The following ARRDC4 variants were observed in gnomAD, a reference collection of about 807,000 sequenced individuals.
ARRDC4 encodes arrestin domain containing 4, also known as arrestin domain-containing protein 4.
In ARRDC4, 40 loss-of-function variants were observed where a neutral mutation model predicts 44.6. The observed-to-expected ratio is 0.90, with a 90% CI of 0.70 to 1.17. The LOEUF is 1.17. Ranked by LOEUF, ARRDC4 falls within the 50% of genes most tolerant of loss-of-function variation. ARRDC4 has a pLI of 0.00. For missense variants in ARRDC4, 550 were observed against 559.1 expected (o/e 0.98, Z 0.16); for synonymous variants, 211 against 221.2 (o/e 0.95, Z 0.41).
Position 97,966,274 on chromosome 15 carries a change from T to A in ARRDC4, c.522+232T>A, listed in dbSNP as rs1489078019. On this transcript the variant is annotated intron_variant, in intron 3 of 7. Coordinates refer to ENST00000268042, the MANE Select transcript of ARRDC4 (RefSeq NM_183376.3). The surrounding 1 kb of genome is among the most constrained non-coding windows in gnomAD (Gnocchi z 4.7). ...AATACTATTGATTATGTCCCTGCTG[T>A]TCAGGGCTTCTTTTGCCAAAAAGTT... Among the ~76,000 whole-genome samples the A allele has an allele frequency of 1.3e-5, 2 of 152,202 alleles. No individual in the cohort carries two copies. The highest frequency in any genetic ancestry group is 3.8e-4 in the East Asian group (2 of 5,204).
At chr15:97,963,129 T>C (rs1026770738) in intron 1 of ARRDC4, among the ~76,000 whole-genome samples, 11 of 152,348 alleles carry the variant, frequency 7.2e-5, no homozygotes, top group African/African-American at 2.4e-4. Context: ...TCTCTGCCTC[T>C]GTAATGGTCT....
intron 5 of ARRDC4, 120 bp from the exon 6 acceptor site, chr15:97,969,763 G>T: frequency 1.2e-6 from 1 of 848,966 alleles, no homozygotes; most frequent in Non-Finnish European, 1.8e-6. Flanking sequence ...TTGTGATGGG[G>T]GTGGTGGCAG....
In ARRDC4 at chr15:97,967,155, G is replaced by C. The variant is rs540276609; in HGVS notation, c.523-859G>C. On this transcript the variant is annotated intron_variant, in intron 3 of 7. Coordinates refer to ENST00000268042, the MANE Select transcript of ARRDC4 (RefSeq NM_183376.3). This position sits in a 1 kb window ranked among gnomAD's most constrained non-coding sequence, Gnocchi z 5.0. ...TTTGAAAAATTGGTGATGCCAAGTA[G>C]CTTGTATTTTTAAAAACTACTTAGA... 6.6e-6 allele frequency among the ~76,000 whole-genome samples: 1 copy of C among 152,236 alleles called. No homozygotes were observed. Among genetic ancestry groups the C allele is most frequent in the South Asian group, 2.1e-4 (1 of 4,818 alleles).
At position 97,961,031 on chromosome 15, in the gene ARRDC4, T is replaced by G. The variant is rs1899304095; in HGVS notation, c.170T>G (p.Leu57Arg). The change falls in exon 1 of 8, where the codon CTG becomes CGG. Residue 57 changes from leucine (L) to arginine (R), a missense_variant. Physicochemically the swap from Leu to Arg is moderately radical, Grantham distance 102. Transcript: ENST00000268042. Reference sequence around the variant, plus strand: ...CCGGTGGCCCTGCGCGCGCTGCGCCTGGAGGCCCAGGGGCGCGCCACCGCC... The same window carrying G: ...CCGGTGGCCCTGCGCGCGCTGCGCCGGGAGGCCCAGGGGCGCGCCACCGCC... ...SEPVALRALR[L>R]EAQGRATAAW... 1.4e-6 allele frequency: 2 copies of G among 1,435,834 alleles called. No homozygotes were observed. Among genetic ancestry groups the G allele is most frequent in the African/African-American group, 1.5e-5 (1 of 67,514 alleles). 88.9% of individuals were successfully genotyped at this position (1,435,834 alleles called of 1,614,324 possible).
At chr15:97,962,378 A>G (rs1423339044) in intron 1 of ARRDC4, among the ~76,000 whole-genome samples, 2 of 152,186 alleles carry the variant, frequency 1.3e-5, no homozygotes, top group African/African-American at 4.8e-5. Context: ...TTCCAGGATC[A>G]ACCCAGGCCC....
At position 97,969,132 on chromosome 15, in the gene ARRDC4, T is replaced by C. The variant is rs1185780232; in HGVS notation, c.635T>C (p.Ile212Thr). ...ERKGYCNGEA[I>T]PIYAEIENCS... is the part of the protein sequence containing the mutation. Reference sequence around the variant, plus strand: ...TTTGTTTTCTTTTTAGGAGAAGCTATTCCAATCTATGCAGAAATAGAAAAT... The same window carrying C: ...TTTGTTTTCTTTTTAGGAGAAGCTACTCCAATCTATGCAGAAATAGAAAAT... Residue 212 changes from isoleucine to threonine, a missense_variant, in exon 5 of 8, where the codon ATT (isoleucine) becomes ACT (threonine). Ile to Thr is a moderately conservative substitution (Grantham distance 89). Coordinates refer to ENST00000268042, the MANE Select transcript of ARRDC4 (RefSeq NM_183376.3). 30 of 1,613,244 alleles carry C rather than the reference T, an allele frequency of 1.9e-5. No homozygotes were observed. The highest frequency in any genetic ancestry group is 2.5e-5 in the Non-Finnish European group (29 of 1,179,336).
chr15:97,969,322 A>G lies in ARRDC4; in HGVS notation c.825A>G (p.Pro275=), dbSNP rs753932839. 3.7e-6 allele frequency: 6 copies of G among 1,613,886 alleles called. No individual in the cohort carries two copies. The highest frequency in any genetic ancestry group is 5.1e-6 in the Non-Finnish European group (6 of 1,179,838). Residue 275 remains proline, a synonymous_variant, in exon 5 of 8, where the codon CCA becomes CCG. Transcript: ENST00000268042. ...GGAATGGGAAAACGCTAAAAATCCC[A>G]CCTGTTACTCCATCCATCCTGGATT... ...DTWNGKTLKI[P]PVTPSILDCC...
At chr15:97,969,573 A>G (rs1429532552) in intron 5 of ARRDC4, among the ~76,000 whole-genome samples, 194 bp downstream of exon 5, 1 of 152,196 alleles carries the variant, frequency 6.6e-6, no homozygotes, top group Non-Finnish European at 1.5e-5. Flanking sequence ...GAATGCCATA[A>G]AAGAATTGAG....
rs755190262 is a variant in ARRDC4 at position 97,969,250 on chromosome 15, C to T, written c.753C>T (p.Val251=). 13 of 1,613,920 alleles carry T rather than the reference C, an allele frequency of 8.1e-6. No individual in the cohort carries two copies. The highest frequency in any genetic ancestry group is 2.2e-5 in the South Asian group (2 of 91,076). ...AAACAAAGACCATTCGACACATGGT[C>T]GCCAATGTGCGAGGAAACCACATCG... ...SGKTKTIRHM[V]ANVRGNHIAS... The change falls in exon 5 of 8, where the codon GTC becomes GTT. Residue 251 remains valine, a synonymous_variant. Coordinates refer to ENST00000268042, the MANE Select transcript of ARRDC4 (RefSeq NM_183376.3).
chr15:97,965,459 C>G lies in ARRDC4; in HGVS notation c.308-141C>G, dbSNP rs893474116. ...CACACACCCCCCTTCAAACTTAATTCTCTACATTTGTTTAATGAACTTTTG... is the reference window on the plus strand; with the variant it reads ...CACACACCCCCCTTCAAACTTAATTGTCTACATTTGTTTAATGAACTTTTG... On this transcript the variant is annotated intron_variant, in intron 1 of 7. Transcript: ENST00000268042. The surrounding 1 kb of genome is among the most constrained non-coding windows in gnomAD (Gnocchi z 5.1). 1 of 688,020 alleles carries G rather than the reference C, an allele frequency of 1.5e-6. No individual in the cohort carries two copies. The highest frequency in any genetic ancestry group is 1.8e-5 in the African/African-American group (1 of 55,752). 42.6% of individuals were successfully genotyped at this position (688,020 alleles called of 1,614,324 possible). A position where few individuals can be genotyped will look rare whatever the true frequency, so the allele number is the denominator to read the frequency against.
chr15:97,962,329 G>A (rs980872064), intron 1 of ARRDC4, among the ~76,000 whole-genome samples: 3 of 152,176 alleles, frequency 2.0e-5, no homozygotes, highest in African/African-American at 7.2e-5. Context: ...GTGTGTTAGT[G>A]ATAGTTCTTA....
chr15:97,969,774 C>A, intron 5 of ARRDC4, 109 bp from the exon 6 acceptor site: 1 of 1,019,612 alleles, frequency 9.8e-7, no homozygotes, highest in Non-Finnish European at 1.4e-6. Context: ...GTGGTGGCAG[C>A]CGACAAAAGC....
Position 97,970,840 on chromosome 15 carries a change from ATTAG to A in ARRDC4, c.1200+99_1200+102del. ...TTAGAGTGTCTGTTGCTGACTCATA[ATTAG>A]TAAGGGATACATTTAAATTTGTTTA... On this transcript the variant is annotated intron_variant, in intron 7 of 7. Coordinates refer to ENST00000268042, the MANE Select transcript of ARRDC4 (RefSeq NM_183376.3). This position sits in a 1 kb window ranked among gnomAD's most constrained non-coding sequence, Gnocchi z 4.2. The A allele has an allele frequency of 1.5e-6, 2 of 1,362,290 alleles. No individual in the cohort carries two copies. Among genetic ancestry groups the A allele is most frequent in the Non-Finnish European group, 2.0e-6 (2 of 991,992 alleles). The allele number at this position is 1,362,290 out of a possible 1,614,324, so 84.4% of individuals were successfully genotyped here.
At chr15:97,963,076 C>T (rs1371989176) in intron 1 of ARRDC4, among the ~76,000 whole-genome samples, 1 of 152,242 alleles carries the variant, frequency 6.6e-6, no homozygotes, top group African/African-American at 2.4e-5. Flanking sequence ...CACCCACCAG[C>T]AGTGTGACCT....
rs184826082 is a variant in ARRDC4, at chr15:97,965,734, T to G, written c.374+68T>G. The stretch of plus-strand genomic sequence containing the variant: ...TATGTCCATTCAAGTTTATCACTGC[T>G]AGGTCTCTTCTGATTCTCAAGTATG... On this transcript the variant is annotated intron_variant, in intron 2 of 7. Coordinates refer to ENST00000268042, the MANE Select transcript of ARRDC4 (RefSeq NM_183376.3). The surrounding 1 kb of genome is among the most constrained non-coding windows in gnomAD (Gnocchi z 5.1). 6.0e-6 allele frequency: 9 copies of G among 1,510,008 alleles called. No individual in the cohort carries two copies. The highest frequency in any genetic ancestry group is 2.3e-5 in the South Asian group (2 of 88,826). The allele number at this position is 1,510,008 out of a possible 1,614,324, so 93.5% of individuals were successfully genotyped here.
chr15:97,969,131 A>C lies in ARRDC4; in HGVS notation c.634A>C (p.Ile212Leu). ...TTTTGTTTTCTTTTTAGGAGAAGCT[A>C]TTCCAATCTATGCAGAAATAGAAAA... is the stretch of plus-strand genomic sequence containing the variant. Reference protein sequence around the residue: ...ERKGYCNGEAIPIYAEIENCS... With the variant: ...ERKGYCNGEALPIYAEIENCS... Residue 212 changes from isoleucine (I) to leucine (L), a missense_variant, in exon 5 of 8, where the codon ATT becomes CTT. By Grantham distance (5) the Ile-to-Leu change is conservative. Transcript: ENST00000268042. 2 of 1,613,234 alleles carry C rather than the reference A, an allele frequency of 1.2e-6. No individual in the cohort carries two copies. The highest frequency in any genetic ancestry group is 8.5e-7 in the Non-Finnish European group (1 of 1,179,238).
chr15:97,969,666 A>T (rs74031757), intron 5 of ARRDC4, among the ~76,000 whole-genome samples: 1 of 152,156 alleles, frequency 6.6e-6, no homozygotes, highest in African/African-American at 2.4e-5. Context: ...ACCTACAATG[A>T]TGCATGTTAA....
Position 97,960,764 on chromosome 15 carries a change from C to T in ARRDC4, c.-98C>T, listed in dbSNP as rs1178929546. On this transcript the variant is annotated 5_prime_UTR_variant, in exon 1 of 8. Coordinates refer to ENST00000268042, the MANE Select transcript of ARRDC4 (RefSeq NM_183376.3). ...CCGCACGGCTGCCGCGGCGGCCTTA[C>T]CCTGCCGCGAGCGCCTGTGACAGCG... is the stretch of plus-strand genomic sequence containing the variant. The T allele has an allele frequency of 1.1e-5, 12 of 1,137,430 alleles. No homozygotes were observed. Among genetic ancestry groups the T allele is most frequent in the Middle Eastern group, 3.3e-4 (1 of 3,060 alleles). The allele number at this position is 1,137,430 out of a possible 1,614,324, so 70.5% of individuals were successfully genotyped here.
rs542461289 is a variant in ARRDC4, at chr15:97,969,399, A to T, written c.882+20A>T. The T allele has an allele frequency of 1.3e-4, 200 of 1,506,716 alleles. No individual in the cohort carries two copies. The highest frequency in any genetic ancestry group is 2.2e-4 in the African/African-American group (16 of 72,240). 93.3% of individuals were successfully genotyped at this position (1,506,716 alleles called of 1,614,324 possible). A position where few individuals can be genotyped will look rare whatever the true frequency, so the allele number is the denominator to read the frequency against. ...TTAGCTGTAAGCAAAGCTCTTTTTT[A>T]AAAAAAAATGTGTATGATGGACAAT... is the stretch of plus-strand genomic sequence containing the variant. On this transcript the variant is annotated intron_variant, in intron 5 of 7. Coordinates refer to ENST00000268042, the MANE Select transcript of ARRDC4 (RefSeq NM_183376.3).
Sources: gnomAD v4.1 joint callset for allele counts (sites outside exome capture counted in the v4.1 genomes callset) on GRCh38, gnomAD v4.1.1 for gene constraint, Gnocchi (gnomAD v3.1) non-coding constraint, MANE v1.5 for transcripts, NCBI Gene and HGNC (gene_info 2026-07-23, HGNC 2026-07-21) for gene names.